BAIAP2L1: variants seen among roughly 807,000 people sequenced by gnomAD.
BAIAP2L1 encodes BAR/IMD domain containing adaptor protein 2 like 1, also known as BAR/IMD domain-containing adapter protein 2-like 1.
BAIAP2L1 carries 35 observed loss-of-function variants against 66.3 expected under a neutral mutation model. The ratio of observed to expected loss-of-function variants is 0.53; its 90% CI spans 0.40 to 0.70. BAIAP2L1 has a LOEUF of 0.70. Among genes scored for constraint, BAIAP2L1 ranks in the 30% least tolerant of loss-of-function variants. BAIAP2L1 has a pLI of 0.00. For synonymous variants in BAIAP2L1, 269 were observed against 248.7 expected (o/e 1.08, Z -0.77); for missense variants, 622 against 656.9 (o/e 0.95, Z 0.58).
chr7:98,324,130 G>GGGGC (rs1427364379), intron 3 of BAIAP2L1, among the ~76,000 whole-genome samples: 2 of 152,196 alleles, frequency 1.3e-5, no homozygotes, highest in African/African-American at 2.4e-5. Flanking sequence ...TGTGCACACT[G>GGGGC]GGGCGCCTGC....
At position 98,386,526 on chromosome 7, in the gene BAIAP2L1, T is replaced by A. The variant is rs1005752857; in HGVS notation, c.51+14276A>T. ...TTTCTTAGAAAATGGATCAACCACT[T>A]TCTTCTTGGCTCCCTTTTTGCCGCC... On this transcript the variant is annotated intron_variant, in intron 1 of 13. Coordinates refer to ENST00000005260, the MANE Select transcript of BAIAP2L1 (RefSeq NM_018842.5). 4 of 1,597,370 alleles carry A rather than the reference T, an allele frequency of 2.5e-6. No homozygotes were observed. In the African/African-American group the frequency reaches 5.3e-5, roughly 21 times the overall value.
intron 3 of BAIAP2L1, among the ~76,000 whole-genome samples, chr7:98,337,048 G>A (rs990864887): frequency 1.3e-5 from 2 of 152,086 alleles, no homozygotes; most frequent in African/African-American, 4.8e-5. Context: ...CCTGAATTTC[G>A]TATTTCCATT....
chr7:98,350,616 G>A (rs1022728929), intron 3 of BAIAP2L1, among the ~76,000 whole-genome samples: 2 of 152,114 alleles, frequency 1.3e-5, no homozygotes, highest in African/African-American at 4.8e-5. Flanking sequence ...TCAAGATCGC[G>A]CCACTGCACT....
At chr7:98,313,473 C>G (rs1027025589) in intron 7 of BAIAP2L1, among the ~76,000 whole-genome samples, 2 of 152,124 alleles carry the variant, frequency 1.3e-5, no homozygotes, top group Non-Finnish European at 2.9e-5. Flanking sequence ...TCTGTCCTCT[C>G]CAGCCTGCGA....
chr7:98,375,393 T>TA (rs35258578), intron 1 of BAIAP2L1, among the ~76,000 whole-genome samples: 19,430 of 136,246 alleles, frequency 0.14, 1,590 homozygotes, highest in African/African-American at 0.24. Flanking sequence ...CACTCCATCT[T>TA]AAAAAAAAAA....
chr7:98,305,070 T>A (rs1366779643), intron 11 of BAIAP2L1, among the ~76,000 whole-genome samples: 4 of 146,664 alleles, frequency 2.7e-5, no homozygotes, highest in African/African-American at 7.7e-5. Context: ...TTTTTTTTTT[T>A]AGTAGAGACG....
At chr7:98,317,550 C>A (rs1035363438) in intron 5 of BAIAP2L1, among the ~76,000 whole-genome samples, 194 bp from the exon 6 acceptor site, 1 of 150,278 alleles carries the variant, frequency 6.7e-6, no homozygotes, top group Non-Finnish European at 1.5e-5. Flanking sequence ...GGGTCCCATG[C>A]CCACACTTCG....
chr7:98,333,281 C>A (rs1188954925), intron 3 of BAIAP2L1, among the ~76,000 whole-genome samples: 1 of 152,114 alleles, frequency 6.6e-6, no homozygotes, highest in East Asian at 1.9e-4. Flanking sequence ...ACAATGCCTA[C>A]GAGACAGGAG....
rs541994981 is a variant in BAIAP2L1 at position 98,292,371 on chromosome 7, T to C, written c.*1150A>G. On this transcript the variant is annotated 3_prime_UTR_variant, in exon 14 of 14. Transcript: ENST00000005260. ...TGAGTGGCGCCCACCACCACACCTG[T>C]CTAATTTTTGTATTTTTAGTAGAGA... The C allele has an allele frequency of 6.2e-5, 27 of 436,770 alleles. No homozygotes were observed. The South Asian group carries it at 7.5e-4, about 12-fold the overall frequency. 27.1% of individuals were successfully genotyped at this position (436,770 alleles called of 1,614,324 possible).
intron 1 of BAIAP2L1, among the ~76,000 whole-genome samples, chr7:98,362,635 AC>A (rs1802297437): frequency 6.6e-6 from 1 of 152,166 alleles, no homozygotes; most frequent in Non-Finnish European, 1.5e-5. Context: ...GGTGCCCGTA[AC>A]CCTGGCAGTT....
At chr7:98,309,450 A>G (rs1233799855) in intron 9 of BAIAP2L1, 2 of 151,846 alleles carry the variant, frequency 1.3e-5, no homozygotes, top group Non-Finnish European at 2.9e-5. Flanking sequence ...ACCGCGCCCA[A>G]TCCTCCACCA....
chr7:98,297,838 G>A (rs1800254357), intron 12 of BAIAP2L1, among the ~76,000 whole-genome samples: 1 of 152,242 alleles, frequency 6.6e-6, no homozygotes, highest in South Asian at 2.1e-4. Flanking sequence ...GCTGTGAAAT[G>A]CAGGCTTGCT....
At chr7:98,367,085 G>T (rs1802404064) in intron 1 of BAIAP2L1, among the ~76,000 whole-genome samples, 1 of 151,246 alleles carries the variant, frequency 6.6e-6, no homozygotes, top group South Asian at 2.1e-4. Context: ...AAGAGACAGG[G>T]TCTTGCTATG....
At chr7:98,362,299 A>T in intron 2 of BAIAP2L1, 58 bp downstream of exon 2, 1 of 1,326,482 alleles carries the variant, frequency 7.5e-7, no homozygotes, top group Non-Finnish European at 1.1e-6. Context: ...GCATTTAAAA[A>T]TAATTACATA....
At chr7:98,293,928 C>T in intron 13 of BAIAP2L1, 146 bp downstream of exon 13, 1 of 932,614 alleles carries the variant, frequency 1.1e-6, no homozygotes, top group Non-Finnish European at 1.7e-6. Flanking sequence ...GTAAAGCGAG[C>T]AGGGGGCTGC....
chr7:98,344,455 A>G (rs1208255579), intron 3 of BAIAP2L1, among the ~76,000 whole-genome samples: 2 of 152,238 alleles, frequency 1.3e-5, no homozygotes, highest in African/African-American at 4.8e-5. Flanking sequence ...TGAATCATCT[A>G]TCTAATAGAA....
At chr7:98,349,679 C>G (rs1801955807) in intron 3 of BAIAP2L1, among the ~76,000 whole-genome samples, 1 of 151,740 alleles carries the variant, frequency 6.6e-6, no homozygotes, top group Non-Finnish European at 1.5e-5. Context: ...TCAAGACTAG[C>G]CTGGCCAGCA....
intron 1 of BAIAP2L1, among the ~76,000 whole-genome samples, chr7:98,364,102 T>C (rs1477980031): frequency 6.6e-6 from 1 of 152,136 alleles, no homozygotes; most frequent in Non-Finnish European, 1.5e-5. Context: ...CTCAGGTCTC[T>C]ATACCTCTCA....
At chr7:98,397,043 C>CA (rs545537990) in intron 1 of BAIAP2L1, among the ~76,000 whole-genome samples, 31 of 152,080 alleles carry the variant, frequency 2.0e-4, no homozygotes, top group Non-Finnish European at 4.3e-4. Context: ...TTGTAGAGCT[C>CA]ACATTCTAGT....
Sources: allele counts gnomAD v4.1 joint callset (sites outside exome capture counted in the v4.1 genomes callset), GRCh38; gene constraint gnomAD v4.1.1; transcripts MANE v1.5; gene names NCBI Gene and HGNC (gene_info 2026-07-23, HGNC 2026-07-21).